PRKAR1A: variants seen among roughly 807,000 people sequenced by gnomAD.
PRKAR1A encodes the protein protein kinase cAMP-dependent type I regulatory subunit alpha, also known as cAMP-dependent protein kinase type I-alpha regulatory subunit.
A neutral mutation model predicts 52.0 loss-of-function variants in PRKAR1A; 3 were observed. That is an observed-to-expected ratio of 0.06 (90% CI 0.03 to 0.15). PRKAR1A has a LOEUF of 0.15. PRKAR1A is among the 10% of genes least tolerant of loss of function. The pLI is 1.00. For synonymous variants in PRKAR1A, 188 were observed against 168.4 expected, an observed-to-expected ratio of 1.12 and a Z score of -0.90; for missense variants, 240 against 477.4, an observed-to-expected ratio of 0.50 and a Z score of 4.63.
At chr17:68,489,678 G>A in the PRKAR1A span, among the ~76,000 whole-genome samples, 2 of 151,380 alleles carry the variant, frequency 1.3e-5, no homozygotes, top group East Asian at 3.9e-4. Flanking sequence ...AGCCTCCCAA[G>A]TAGCTGGGAT....
At chr17:68,471,688 T>C in the PRKAR1A span, among the ~76,000 whole-genome samples, 34 of 152,346 alleles carry the variant, frequency 2.2e-4, no homozygotes, top group Middle Eastern at 0.014. Flanking sequence ...TCTTGCCTAA[T>C]GCTTTTCTAC....
intron 11 of PRKAR1A, chr17:68,539,788 C>G: frequency 9.0e-7 from 1 of 1,109,810 alleles, no homozygotes; most frequent in Non-Finnish European, 1.4e-6. Context: ...GTGGTGGAGG[C>G]CCTCATTTGC....
the PRKAR1A span, among the ~76,000 whole-genome samples, chr17:68,473,262 G>T: frequency 6.3e-4 from 96 of 152,246 alleles, 1 homozygote; most frequent in African/African-American, 2.2e-3. Context: ...AATTAAGTCT[G>T]GGCACAATGG....
intron 1 of PRKAR1A, 133 bp downstream of exon 1, chr17:68,512,681 C>T (rs1230213895): frequency 1.3e-5 from 2 of 152,302 alleles, no homozygotes; most frequent in African/African-American, 4.8e-5. Flanking sequence ...CCCTGCCCCT[C>T]CCCGGCCCGG....
At chr17:68,506,041 T>G in the PRKAR1A span, among the ~76,000 whole-genome samples, 1 of 152,336 alleles carries the variant, frequency 6.6e-6, no homozygotes, top group East Asian at 1.9e-4. Flanking sequence ...GTTCATAAAT[T>G]TTTATCAGAA....
intron 11 of PRKAR1A, chr17:68,551,049 C>A: frequency 1.6e-6 from 2 of 1,230,112 alleles, no homozygotes; most frequent in Non-Finnish European, 2.0e-6. Flanking sequence ...ACTTGGGTAA[C>A]GTGGCCCCTC....
chr17:68,450,454 G>A, the PRKAR1A span, among the ~76,000 whole-genome samples: 2 of 152,178 alleles, frequency 1.3e-5, no homozygotes, highest in African/African-American at 4.8e-5. Context: ...CCATCCCTGC[G>A]GTGCCCAATC....
At chr17:68,515,683 A>G in intron 2 of PRKAR1A, 107 bp downstream of exon 2, 1 of 1,326,836 alleles carries the variant, frequency 7.5e-7, no homozygotes, top group Non-Finnish European at 1.1e-6. Context: ...ATCTGACTAA[A>G]TAAAAAGTCT....
chr17:68,467,581 A>G, the PRKAR1A span, among the ~76,000 whole-genome samples: 1,514 of 152,302 alleles, frequency 9.9e-3, 24 homozygotes, highest in African/African-American at 0.034. Context: ...TCAAAGCCCT[A>G]CTGTACTCTC....
the PRKAR1A span, among the ~76,000 whole-genome samples, chr17:68,468,618 G>T: frequency 6.6e-6 from 1 of 152,158 alleles, no homozygotes; most frequent in Non-Finnish European, 1.5e-5. Flanking sequence ...TTATGTCCAT[G>T]ATCTCCTATT....
upstream of PRKAR1A, chr17:68,512,362 T>C (rs2085283694): frequency 1.3e-5 from 2 of 152,958 alleles, no homozygotes; most frequent in Non-Finnish European, 2.9e-5. Context: ...GCGACGGTTC[T>C]GGCCAGAGCG....
intron 7 of PRKAR1A, among the ~76,000 whole-genome samples, chr17:68,526,544 G>T (rs545247388): frequency 6.6e-6 from 1 of 152,130 alleles, no homozygotes; most frequent in African/African-American, 2.4e-5. Flanking sequence ...TGTACAGCCT[G>T]ATGTACTTTG....
At chr17:68,421,822 T>C in the PRKAR1A span, 5 of 1,614,028 alleles carry the variant, frequency 3.1e-6, no homozygotes, top group Non-Finnish European at 4.2e-6. Context: ...CAAGATTATC[T>C]ACCAAAATCA....
chr17:68,550,680 A>G (rs995653627), intron 11 of PRKAR1A, among the ~76,000 whole-genome samples: 5 of 152,144 alleles, frequency 3.3e-5, no homozygotes, highest in African/African-American at 1.2e-4. Flanking sequence ...CGTGCCCAGC[A>G]GAGGAACTCT....
chr17:68,422,980 C>T, the PRKAR1A span, among the ~76,000 whole-genome samples: 1 of 152,116 alleles, frequency 6.6e-6, no homozygotes, highest in African/African-American at 2.4e-5. Context: ...AAGCGTGATC[C>T]TACGCAGGGA....
the PRKAR1A span, among the ~76,000 whole-genome samples, chr17:68,473,800 C>T: frequency 3.3e-5 from 5 of 152,112 alleles, no homozygotes; most frequent in African/African-American, 9.7e-5. Context: ...GGATTACAGG[C>T]GTGAACCACC....
At chr17:68,544,727 TCAGGCCTGGC>T (rs1426703706) in intron 11 of PRKAR1A, among the ~76,000 whole-genome samples, 10 of 152,220 alleles carry the variant, frequency 6.6e-5, no homozygotes, top group Non-Finnish European at 1.2e-4. Flanking sequence ...CCCTCCGTGC[TCAGGCCTGGC>T]CAGCTTATCA....
chr17:68,535,443 TATTTG>T, downstream of PRKAR1A: 1 of 454,096 alleles, frequency 2.2e-6, no homozygotes, highest in Middle Eastern at 6.9e-4. Flanking sequence ...CTGAGAGTCT[TATTTG>T]GAAGTCCCAA....
At chr17:68,436,425 C>A in the PRKAR1A span, 4 of 1,614,082 alleles carry the variant, frequency 2.5e-6, no homozygotes, top group Non-Finnish European at 3.4e-6. Context: ...TGAAGTCAGG[C>A]TTCCAGGATA....
Sources: allele counts gnomAD v4.1 joint callset (sites outside exome capture counted in the v4.1 genomes callset), GRCh38; gene constraint gnomAD v4.1.1; transcripts MANE v1.5; gene names NCBI Gene and HGNC (gene_info 2026-07-23, HGNC 2026-07-21).